Variants in LRRK2 observed in about 807,000 individuals in gnomAD.
The protein encoded by LRRK2 is leucine-rich repeat serine/threonine-protein kinase 2.
A neutral mutation model predicts 302.6 loss-of-function variants in LRRK2; 203 were observed. The ratio of observed to expected loss-of-function variants is 0.67; its 90% CI spans 0.60 to 0.75. The LOEUF (loss-of-function observed/expected upper bound fraction) is 0.75, where lower values mean the gene tolerates loss of function less well. Ranked by LOEUF, LRRK2 falls within the 30% of genes least tolerant of loss-of-function variation. The probability of loss-of-function intolerance (pLI) is 0.00; values close to 1 mark genes in which losing one functional copy is unlikely to be tolerated. For missense variants in LRRK2, 2,830 were observed against 2,951.0 expected (o/e 0.96, Z 0.95); for synonymous variants, 1,066 against 1,031.9 (o/e 1.03, Z -0.63).
chr12:40,235,802 T>TC, intron 4 of LRRK2, 88 bp downstream of exon 4: 4 of 776,654 alleles, frequency 5.2e-6, no homozygotes, highest in Non-Finnish European at 8.5e-6. Context: ...TGTTTTTTTT[T>TC]TTTTTTTTTT....
At chr12:40,229,203 G>T (rs986086380) in intron 2 of LRRK2, among the ~76,000 whole-genome samples, 3 of 152,048 alleles carry the variant, frequency 2.0e-5, no homozygotes. Context: ...TATAATTACT[G>T]TAAGTATCCT....
chr12:40,251,788 T>C lies in LRRK2; in HGVS notation c.1181+244T>C, dbSNP rs73106357. ...GAATCAAGGGTCATTTGGTAATTCA[T>C]GAATCATGGAGAAAGAATCTTTCTA... On this transcript the variant is annotated intron_variant, in intron 10 of 50. Transcript: ENST00000298910. 0.012 allele frequency among the ~76,000 whole-genome samples: 1,812 copies of C among 152,318 alleles called. 48 individuals carry two copies. Among genetic ancestry groups the C allele is most frequent in the African/African-American group, 0.038 (1,597 of 41,582 alleles).
At chr12:40,247,067 C>T (rs1205589765) in intron 7 of LRRK2, among the ~76,000 whole-genome samples, 1 of 152,016 alleles carries the variant, frequency 6.6e-6, no homozygotes, top group Admixed American at 6.6e-5. Flanking sequence ...TTATAATAGG[C>T]ATTTAGTTTT....
intron 18 of LRRK2, among the ~76,000 whole-genome samples, chr12:40,279,783 G>C (rs535617526): frequency 6.6e-6 from 1 of 152,016 alleles, no homozygotes; most frequent in South Asian, 2.1e-4. Context: ...TTTTTAAAAC[G>C]AAATCTTAAA....
chr12:40,293,058 A>G (rs187486908), intron 20 of LRRK2, among the ~76,000 whole-genome samples: 24 of 152,176 alleles, frequency 1.6e-4, no homozygotes, highest in African/African-American at 5.5e-4. Context: ...AAATTCAGGG[A>G]GTTAATCCAC....
chr12:40,365,093 T>A (rs201105285), intron 49 of LRRK2, 43 bp downstream of exon 49: 5 of 1,528,324 alleles, frequency 3.3e-6, no homozygotes, highest in Admixed American at 1.7e-5. Flanking sequence ...TCTCTAAGTC[T>A]TATAAAATAT....
intron 18 of LRRK2, 116 bp downstream of exon 18, chr12:40,278,377 AG>A: frequency 3.1e-6 from 4 of 1,271,092 alleles, no homozygotes; most frequent in Non-Finnish European, 4.5e-6. Flanking sequence ...GAAATTTACC[AG>A]TTTATTGCAA....
chr12:40,354,456 T>C lies in LRRK2; in HGVS notation c.6734T>C (p.Val2245Ala), dbSNP rs376428096. 9.9e-6 allele frequency: 16 copies of C among 1,614,140 alleles called. No homozygotes were observed. Among genetic ancestry groups the C allele is most frequent in the Non-Finnish European group, 1.3e-5 (15 of 1,180,012 alleles). ...RHTLEKMTDSVTCLYCNSFSK... is the reference protein window; with the variant it reads ...RHTLEKMTDSATCLYCNSFSK... ...ACCCTAGAAAAGATGACTGATTCTGTCACTTGTTTGTATTGCAATTCCTTT... is the reference window on the plus strand; with the variant it reads ...ACCCTAGAAAAGATGACTGATTCTGCCACTTGTTTGTATTGCAATTCCTTT... Residue 2245 changes from valine to alanine, a missense_variant, in exon 45 of 51, where the codon GTC becomes GCC. Val to Ala is a moderately conservative substitution (Grantham distance 64). Transcript: ENST00000298910.
At chr12:40,351,486 G>A (rs916884030) in intron 43 of LRRK2, 53 bp from the exon 44 acceptor site, 4 of 1,569,864 alleles carry the variant, frequency 2.5e-6, no homozygotes, top group Non-Finnish European at 3.5e-6. Context: ...GATTTTTCAA[G>A]GGAAATGAGT....
At chr12:40,231,576 CA>C (rs71078231) in intron 2 of LRRK2, among the ~76,000 whole-genome samples, 1,888 of 105,844 alleles carry the variant, frequency 0.018, 27 homozygotes, top group African/African-American at 0.042. Flanking sequence ...AAAACAAAAC[CA>C]AAAAAAAAAA....
At position 40,302,709 on chromosome 12, in the gene LRRK2, T is replaced by A; in HGVS notation, c.3497-80T>A. On this transcript the variant is annotated intron_variant, in intron 25 of 50. Transcript: ENST00000298910. ...GAAATCAAATTAAGTGACACACTAT[T>A]GGTAGCTGTTCTTATTTTTGAATTT... 9 of 963,480 alleles carry A rather than the reference T, an allele frequency of 9.3e-6. No homozygotes were observed. In the South Asian group the frequency reaches 1.2e-4, roughly 13 times the overall value. 59.7% of individuals were successfully genotyped at this position (963,480 alleles called of 1,614,324 possible).
intron 38 of LRRK2, among the ~76,000 whole-genome samples, chr12:40,324,537 G>C (rs185352974): frequency 8.5e-5 from 13 of 152,200 alleles, no homozygotes; most frequent in Admixed American, 7.8e-4. Flanking sequence ...ACCTTACTTT[G>C]TTTAGTTTTT....
At position 40,348,491 on chromosome 12, in the gene LRRK2, A is replaced by G; in HGVS notation, c.6363A>G (p.Glu2121=). Residue 2121 remains glutamate, a synonymous_variant, in exon 43 of 51, where the codon GAA becomes GAG. Coordinates refer to ENST00000298910, the MANE Select transcript of LRRK2 (RefSeq NM_198578.4). ...IKQCLKENPQ[E]RPTSAQVFDI... ...AGTGTTTGAAAGAAAATCCTCAAGAAAGGCCTACTTCTGCCCAGGTATTCT... is the reference window on the plus strand; with the variant it reads ...AGTGTTTGAAAGAAAATCCTCAAGAGAGGCCTACTTCTGCCCAGGTATTCT... The G allele has an allele frequency of 6.2e-7, 1 of 1,611,526 alleles. No individual in the cohort carries two copies. Among genetic ancestry groups the G allele is most frequent in the Non-Finnish European group, 8.5e-7 (1 of 1,177,874 alleles).
intron 18 of LRRK2, among the ~76,000 whole-genome samples, chr12:40,282,322 T>C (rs1943746257): frequency 6.6e-6 from 1 of 151,884 alleles, no homozygotes; most frequent in Non-Finnish European, 1.5e-5. Flanking sequence ...GCTTCAGGAA[T>C]ACAAGTTGGA....
In LRRK2 at chr12:40,368,923, G is replaced by T. The variant is rs186859188; in HGVS notation, c.*1158G>T. ...TGAGGTCATTTCTGCTTTAGGAAAA[G>T]TACTTTCGGTAAATTCTTTGGCCCT... On this transcript the variant is annotated 3_prime_UTR_variant, in exon 51 of 51. Transcript: ENST00000298910. 1 of 151,934 alleles carries T rather than the reference G, an allele frequency of 6.6e-6. No individual in the cohort carries two copies. Among genetic ancestry groups the T allele is most frequent in the East Asian group, 1.9e-4 (1 of 5,298 alleles). 9.4% of individuals were successfully genotyped at this position (151,934 alleles called of 1,614,324 possible). A position where few individuals can be genotyped will look rare whatever the true frequency, so the allele number is the denominator to read the frequency against.
At chr12:40,363,993 G>A (rs1946799029) in intron 48 of LRRK2, among the ~76,000 whole-genome samples, 1 of 151,900 alleles carries the variant, frequency 6.6e-6, no homozygotes, top group Admixed American at 6.6e-5. Flanking sequence ...CTAAGGAGTG[G>A]GGATCAAGAC....
chr12:40,259,492 G>A lies in LRRK2; in HGVS notation c.1431G>A (p.Leu477=). ...TTTATATCCCCAGCAACACTTCCCT[G>A]GATATAATGGCAGCAGTGGTCCCCA... ...NHLFEGSNTS[L]DIMAAVVPKI... The change falls in exon 13 of 51, where the codon CTG becomes CTA. Residue 477 remains leucine (L), a synonymous_variant. Transcript: ENST00000298910. The A allele has an allele frequency of 6.2e-7, 1 of 1,613,132 alleles. No homozygotes were observed. Among genetic ancestry groups the A allele is most frequent in the Non-Finnish European group, 8.5e-7 (1 of 1,179,390 alleles).
intron 2 of LRRK2, among the ~76,000 whole-genome samples, chr12:40,229,081 A>C (rs889813237): frequency 1.3e-5 from 2 of 152,200 alleles, no homozygotes; most frequent in African/African-American, 4.8e-5. Context: ...CAATGACATC[A>C]ATTTAAATTA....
Position 40,310,729 on chromosome 12 carries a change from C to G in LRRK2, c.4536+80C>G, listed in dbSNP as rs184122993. On this transcript the variant is annotated intron_variant, in intron 31 of 50. Coordinates refer to ENST00000298910, the MANE Select transcript of LRRK2 (RefSeq NM_198578.4). ...AATGTCAGAAATTTTGAGAAGTGAGCAACTCACTTAAAATTGTGGGTTTTC... is the reference window on the plus strand; with the variant it reads ...AATGTCAGAAATTTTGAGAAGTGAGGAACTCACTTAAAATTGTGGGTTTTC... 5.2e-5 allele frequency: 72 copies of G among 1,384,994 alleles called. No homozygotes were observed. In the African/African-American group the frequency reaches 7.3e-4, roughly 14 times the overall value. The allele number at this position is 1,384,994 out of a possible 1,614,324, so 85.8% of individuals were successfully genotyped here.
Sources: allele counts gnomAD v4.1 joint callset (sites outside exome capture counted in the v4.1 genomes callset), GRCh38; gene constraint gnomAD v4.1.1; transcripts MANE v1.5; gene names NCBI Gene and HGNC (gene_info 2026-07-23, HGNC 2026-07-21).